Variants in PIK3CD observed in about 807,000 individuals in gnomAD.
PIK3CD encodes phosphatidylinositol 4,5-bisphosphate 3-kinase catalytic subunit delta isoform.
Under a neutral mutation model 122.9 loss-of-function variants are expected in PIK3CD, and 20 were observed. That is an observed-to-expected ratio of 0.16 (90% CI 0.11 to 0.24). The LOEUF (loss-of-function observed/expected upper bound fraction) is 0.24, where lower values mean the gene tolerates loss of function less well. Ranked by LOEUF, PIK3CD falls within the 10% of genes least tolerant of loss-of-function variation. PIK3CD has a pLI of 1.00. For synonymous variants in PIK3CD, 596 were observed against 593.4 expected, an observed-to-expected ratio of 1.00 and a Z score of -0.06; for missense variants, 787 against 1,406.3, an observed-to-expected ratio of 0.56 and a Z score of 7.04.
intron 1 of PIK3CD, among the ~76,000 whole-genome samples, chr1:9,657,938 A>T (rs1644904790): frequency 1.3e-5 from 2 of 152,024 alleles, no homozygotes; most frequent in Non-Finnish European, 2.9e-5. Flanking sequence ...TGATTGGGTG[A>T]GGTGCTCCAG....
chr1:9,653,899 A>C (rs1295498448), intron 1 of PIK3CD: 2 of 1,367,174 alleles, frequency 1.5e-6, no homozygotes, highest in Non-Finnish European at 2.0e-6. Context: ...AGTGGGCTGG[A>C]GGAGTGCTCT....
chr1:9,630,703 A>AGTGTGT, the PIK3CD span, among the ~76,000 whole-genome samples: 16 of 96,948 alleles, frequency 1.7e-4, no homozygotes, highest in East Asian at 1.6e-3. Context: ...TAGCAAAGAA[A>AGTGTGT]GTGAGTGTGT....
At chr1:9,646,299 TA>T in the PIK3CD span, among the ~76,000 whole-genome samples, 1 of 152,154 alleles carries the variant, frequency 6.6e-6, no homozygotes, top group Non-Finnish European at 1.5e-5. Flanking sequence ...TCAGCCCCGG[TA>T]AGTTCATAGT....
intron 1 of PIK3CD, among the ~76,000 whole-genome samples, chr1:9,684,472 G>A (rs1197323293): frequency 2.6e-5 from 4 of 151,630 alleles, no homozygotes; most frequent in East Asian, 1.9e-4. Context: ...AAGAGGCCGA[G>A]GTTGCAGTGA....
intron 1 of PIK3CD, among the ~76,000 whole-genome samples, chr1:9,656,268 A>T (rs755447554): frequency 1.5e-4 from 23 of 152,142 alleles, no homozygotes; most frequent in Non-Finnish European, 1.5e-4. Context: ...AATGGGGTGG[A>T]GTTTGGATTT....
Position 9,723,871 on chromosome 1 carries a change from A to G in PIK3CD, c.2595-98A>G. 2 of 1,122,038 alleles carry G rather than the reference A, an allele frequency of 1.8e-6. No homozygotes were observed. The highest frequency in any genetic ancestry group is 1.3e-6 in the Non-Finnish European group (1 of 749,304). The allele number at this position is 1,122,038 out of a possible 1,614,324, so 69.5% of individuals were successfully genotyped here. ...CATGTTCTGTTGGTCAAAGCAAGTCACAGGGCCAGATTCAAGGGGAGAGGG... is the reference window on the plus strand; with the variant it reads ...CATGTTCTGTTGGTCAAAGCAAGTCGCAGGGCCAGATTCAAGGGGAGAGGG... On this transcript the variant is annotated intron_variant, in intron 20 of 23. Transcript: ENST00000377346. This position sits in a 1 kb window ranked among gnomAD's most constrained non-coding sequence, Gnocchi z 4.9.
chr1:9,715,843 C>T lies in PIK3CD; in HGVS notation c.371-6C>T, dbSNP rs1423778949. ...ACCCGCTGACCCAGCCCTCCCCACC[C>T]CGCAGGCCTCCACGAGTTTGACTCC... On this transcript the variant is annotated splice_polypyrimidine_tract_variant and splice_region_variant and intron_variant, in intron 4 of 23. Coordinates refer to ENST00000377346, the MANE Select transcript of PIK3CD (RefSeq NM_005026.5). The surrounding 1 kb of genome is among the most constrained non-coding windows in gnomAD (Gnocchi z 4.1). The T allele has an allele frequency of 4.3e-6, 7 of 1,611,684 alleles. No individual in the cohort carries two copies. Among genetic ancestry groups the T allele is most frequent in the Non-Finnish European group, 5.9e-6 (7 of 1,179,320 alleles).
rs1359102733 is a variant in PIK3CD, at chr1:9,723,662, ATC to A, written c.2595-304_2595-303del. ...GGGCCAGTGGGGTCTGAGATAACCCATCTCATTCCTGGGGCCTTGGCGCCAGC... is the reference window on the plus strand; with the variant it reads ...GGGCCAGTGGGGTCTGAGATAACCCATCATTCCTGGGGCCTTGGCGCCAGC... On this transcript the variant is annotated intron_variant, in intron 20 of 23. Coordinates refer to ENST00000377346, the MANE Select transcript of PIK3CD (RefSeq NM_005026.5). This position sits in a 1 kb window ranked among gnomAD's most constrained non-coding sequence, Gnocchi z 4.9. Among the ~76,000 whole-genome samples the A allele has an allele frequency of 3.9e-5, 6 of 152,252 alleles. No individual in the cohort carries two copies. In the East Asian group the frequency reaches 1.2e-3, roughly 29 times the overall value.
rs770797506 is a variant in PIK3CD at position 9,720,552 on chromosome 1, G to T, written c.1471-59G>T. ...ATTGGGGTGGCAATGCCCGGCCTGG[G>T]GGTCCTGCCCGGGCTGGTCCAGGCC... is the stretch of plus-strand genomic sequence containing the variant. On this transcript the variant is annotated intron_variant, in intron 11 of 23. Coordinates refer to ENST00000377346, the MANE Select transcript of PIK3CD (RefSeq NM_005026.5). The surrounding 1 kb of genome is among the most constrained non-coding windows in gnomAD (Gnocchi z 9.0). 2.1e-5 allele frequency: 32 copies of T among 1,548,026 alleles called. No individual in the cohort carries two copies. The Admixed American group carries it at 6.3e-4, about 30-fold the overall frequency.
At chr1:9,653,156 G>A (rs930369304) in intron 1 of PIK3CD, 1 of 152,344 alleles carries the variant, frequency 6.6e-6, no homozygotes, top group Admixed American at 6.5e-5. Context: ...CGGAGGGGAA[G>A]GTTTACTGCT....
chr1:9,691,384 T>C, intron 1 of PIK3CD, 83 bp from the exon 2 acceptor site: 1 of 395,376 alleles, frequency 2.5e-6, no homozygotes, highest in Admixed American at 4.4e-5. Flanking sequence ...TGAGCTAACG[T>C]CCTGTAAGAG....
At chr1:9,694,331 T>G (rs749128988) in intron 2 of PIK3CD, among the ~76,000 whole-genome samples, 3 of 151,998 alleles carry the variant, frequency 2.0e-5, no homozygotes, top group Non-Finnish European at 4.4e-5. Flanking sequence ...GGCCGGAGTT[T>G]GAGACCAGCC....
At chr1:9,726,194 C>T (rs1649544635) in intron 23 of PIK3CD, among the ~76,000 whole-genome samples, 1 of 151,834 alleles carries the variant, frequency 6.6e-6, no homozygotes, top group Non-Finnish European at 1.5e-5. Context: ...GCTCGGGTGA[C>T]AGAGCAAGAC....
At chr1:9,694,202 C>CT (rs1242062229) in intron 2 of PIK3CD, among the ~76,000 whole-genome samples, 1 of 152,208 alleles carries the variant, frequency 6.6e-6, no homozygotes, top group African/African-American at 2.4e-5. Flanking sequence ...AGAAAAATAA[C>CT]TGTCACATAT....
In PIK3CD at chr1:9,716,571, C is replaced by G. The variant is rs751020278; in HGVS notation, c.732C>G (p.Asn244Lys). 6 of 1,594,584 alleles carry G rather than the reference C, an allele frequency of 3.8e-6. No homozygotes were observed. In the South Asian group the frequency reaches 6.7e-5, roughly 18 times the overall value. Residue 244 changes from asparagine (N) to lysine (K), a missense_variant, in exon 6 of 24, where the codon AAC becomes AAG. Physicochemically the swap from Asn to Lys is moderately conservative, Grantham distance 94. Coordinates refer to ENST00000377346, the MANE Select transcript of PIK3CD (RefSeq NM_005026.5). Reference sequence around the variant, plus strand: ...CGGAAGACTACACGCTGCAGGTGAACGGCAGGCATGAGTACCTGTATGGCA... The same window carrying G: ...CGGAAGACTACACGCTGCAGGTGAAGGGCAGGCATGAGTACCTGTATGGCA... ...EQPEDYTLQV[N>K]GRHEYLYGSY... is the part of the protein sequence containing the mutation.
the PIK3CD span, among the ~76,000 whole-genome samples, chr1:9,628,249 C>A: frequency 4.6e-5 from 7 of 152,238 alleles, no homozygotes; most frequent in East Asian, 1.4e-3. Flanking sequence ...TTGCAGTGAG[C>A]CAAGATTGTG....
At chr1:9,707,644 G>A (rs1037659177) in intron 2 of PIK3CD, among the ~76,000 whole-genome samples, 1 of 152,052 alleles carries the variant, frequency 6.6e-6, no homozygotes, top group South Asian at 2.1e-4. Context: ...GTTTGCTGAG[G>A]ATAATGGCCT....
In PIK3CD at chr1:9,715,651, C is replaced by T. The variant is rs755377648; in HGVS notation, c.252C>T (p.Asp84=). The T allele has an allele frequency of 3.8e-5, 61 of 1,613,630 alleles. 1 individual carries two copies. The Admixed American group carries it at 4.2e-4, about 11-fold the overall frequency. Residue 84 remains aspartate, a synonymous_variant, in exon 4 of 24, where the codon GAC becomes GAT. Transcript: ENST00000377346. The surrounding 1 kb of genome is among the most constrained non-coding windows in gnomAD (Gnocchi z 4.1). ...CAGCGGAGCAGCAAGAGCTGGAGGA[C>T]GAGCAACGGCGTCTGTGTGACGTGC... ...NQTAEQQELE[D]EQRRLCDVQP...
rs1335208292 is a variant in PIK3CD at position 9,728,339 on chromosome 1, GTTCTAGGGC to G, written c.*1298_*1306del. 1 of 152,250 alleles carries G rather than the reference GTTCTAGGGC, an allele frequency of 6.6e-6. No individual in the cohort carries two copies. The highest frequency in any genetic ancestry group is 1.5e-5 in the Non-Finnish European group (1 of 68,082). 9.4% of individuals were successfully genotyped at this position (152,250 alleles called of 1,614,324 possible). ...GATTTGAGCAGCTTTAGAAATGCAGGTTCTAGGGCTTCTCCCAGCCTTCAGAAGCCAACT... is the reference window on the plus strand; with the variant it reads ...GATTTGAGCAGCTTTAGAAATGCAGGTTCTCCCAGCCTTCAGAAGCCAACT... On this transcript the variant is annotated 3_prime_UTR_variant, in exon 24 of 24. Coordinates refer to ENST00000377346, the MANE Select transcript of PIK3CD (RefSeq NM_005026.5).
Sources: allele counts gnomAD v4.1 joint callset (sites outside exome capture counted in the v4.1 genomes callset), GRCh38; gene constraint gnomAD v4.1.1; non-coding constraint Gnocchi (gnomAD v3.1); transcripts MANE v1.5; gene names NCBI Gene and HGNC (gene_info 2026-07-23, HGNC 2026-07-21).